Variants in KALRN observed in about 807,000 individuals in gnomAD.
KALRN encodes kalirin.
KALRN carries 70 observed loss-of-function variants against 353.7 expected under a neutral mutation model. The ratio of observed to expected loss-of-function variants is 0.20; its 90% CI spans 0.16 to 0.24. The LOEUF (loss-of-function observed/expected upper bound fraction) is 0.24, where lower values mean the gene tolerates loss of function less well. Among genes scored for constraint, KALRN ranks in the 10% least tolerant of loss-of-function variants. The pLI is 1.00. For synonymous variants in KALRN, 1,391 were observed against 1,434.8 expected (o/e 0.97, Z 0.69); for missense variants, 2,791 against 3,756.7 (o/e 0.74, Z 6.72).
At chr3:124,399,115 G>A (rs759773135) in intron 13 of KALRN, among the ~76,000 whole-genome samples, 2 of 151,044 alleles carry the variant, frequency 1.3e-5, no homozygotes, top group African/African-American at 2.4e-5. Context: ...AGTTTTTTTT[G>A]TTTGTTTTTG....
intron 1 of KALRN, among the ~76,000 whole-genome samples, chr3:124,191,845 G>A (rs1033156282): frequency 2.0e-5 from 3 of 152,172 alleles, no homozygotes; most frequent in African/African-American, 7.2e-5. Context: ...CCATTCCATT[G>A]GTCAATGAAG....
At chr3:124,308,400 T>C (rs2077915461) in intron 6 of KALRN, among the ~76,000 whole-genome samples, 1 of 151,914 alleles carries the variant, frequency 6.6e-6, no homozygotes, top group South Asian at 2.1e-4. Context: ...ACATTGTCCA[T>C]AATAGACCAT....
chr3:124,044,805 T>A, intron 1 of KALRN, among the ~76,000 whole-genome samples: 1 of 151,458 alleles, frequency 6.6e-6, no homozygotes, highest in Non-Finnish European at 1.5e-5. Flanking sequence ...TTCAAAATCA[T>A]GAACACTGAT....
At chr3:124,584,698 G>C (rs998775394) in intron 34 of KALRN, 2 of 1,456,012 alleles carry the variant, frequency 1.4e-6, no homozygotes, top group African/African-American at 2.9e-5. Flanking sequence ...GCGGTGCGGG[G>C]AGAGCACAGC....
At chr3:124,481,415 C>G (rs2061972703) in intron 27 of KALRN, among the ~76,000 whole-genome samples, 1 of 152,134 alleles carries the variant, frequency 6.6e-6, no homozygotes, top group Admixed American at 6.5e-5. Context: ...CCATGTTGCC[C>G]CGGCTGGTCT....
At chr3:124,035,343 T>C (rs1024964605) in intron 1 of KALRN, among the ~76,000 whole-genome samples, 2 of 152,202 alleles carry the variant, frequency 1.3e-5, no homozygotes, top group African/African-American at 4.8e-5. Context: ...ATACTCATTA[T>C]GAGGCAGAGG....
At chr3:124,206,119 C>T (rs2076389707) in intron 1 of KALRN, among the ~76,000 whole-genome samples, 1 of 152,186 alleles carries the variant, frequency 6.6e-6, no homozygotes, top group Non-Finnish European at 1.5e-5. Context: ...AGGTTGATGG[C>T]TGTAATAACC....
intron 1 of KALRN, among the ~76,000 whole-genome samples, chr3:124,055,529 C>T (rs2149177780): frequency 6.6e-6 from 1 of 152,330 alleles, no homozygotes; most frequent in South Asian, 2.1e-4. Context: ...GACATATTTT[C>T]AGACCACCTT....
intron 5 of KALRN, among the ~76,000 whole-genome samples, chr3:124,275,418 C>A (rs769386933): frequency 2.8e-4 from 43 of 152,164 alleles, no homozygotes; most frequent in Non-Finnish European, 1.2e-4. Context: ...GGGTTCTTCT[C>A]TTTTCAGGAT....
chr3:124,139,294 A>G (rs1343853772), intron 1 of KALRN, among the ~76,000 whole-genome samples: 5 of 152,170 alleles, frequency 3.3e-5, no homozygotes, highest in Admixed American at 6.5e-5. Context: ...GTGGGTGCTC[A>G]TGTGTCAAAG....
At chr3:124,231,792 C>T (rs906483785) in intron 2 of KALRN, among the ~76,000 whole-genome samples, 1 of 152,040 alleles carries the variant, frequency 6.6e-6, no homozygotes, top group Non-Finnish European at 1.5e-5. Context: ...GATGCATATC[C>T]ATTAACATCT....
At position 124,044,966 on chromosome 3, in the gene KALRN, TTA is replaced by T. The variant is rs2040343211; in HGVS notation, c.73+11155_73+11156del. On this transcript the variant is annotated intron_variant, in intron 1 of 59. Coordinates refer to ENST00000682506, the MANE Select transcript of KALRN (RefSeq NM_001388419.1). ...ATTTGGTAACAGTGTGGAGATAGGGTTATGATTTTTAAACTTGCAGTTACAAT... is the reference window on the plus strand; with the variant it reads ...ATTTGGTAACAGTGTGGAGATAGGGTTGATTTTTAAACTTGCAGTTACAAT... 8.1e-5 allele frequency among the ~76,000 whole-genome samples: 12 copies of T among 148,310 alleles called. No individual in the cohort carries two copies. The South Asian group carries it at 2.5e-3, about 31-fold the overall frequency.
intron 34 of KALRN, among the ~76,000 whole-genome samples, chr3:124,608,049 C>T (rs940601066): frequency 6.0e-5 from 9 of 150,764 alleles, no homozygotes; most frequent in Admixed American, 6.6e-5. Flanking sequence ...CATTCTGTCA[C>T]CCAGGCTGGA....
chr3:124,178,958 T>C (rs1560158907), intron 1 of KALRN, among the ~76,000 whole-genome samples: 1 of 152,040 alleles, frequency 6.6e-6, no homozygotes, highest in Non-Finnish European at 1.5e-5. Flanking sequence ...TTTTAAAAAA[T>C]TAGCTGGGTA....
chr3:124,640,904 T>C (rs978465922), intron 37 of KALRN, among the ~76,000 whole-genome samples: 3 of 152,172 alleles, frequency 2.0e-5, no homozygotes, highest in African/African-American at 7.2e-5. Context: ...CTTTACAGAG[T>C]TCAATTCCAT....
At chr3:124,460,356 A>G (rs2059726593) in intron 23 of KALRN, among the ~76,000 whole-genome samples, 1 of 152,242 alleles carries the variant, frequency 6.6e-6, no homozygotes, top group Admixed American at 6.5e-5. Flanking sequence ...AAGAGATTAA[A>G]GGATGGGTGG....
intron 34 of KALRN, among the ~76,000 whole-genome samples, chr3:124,617,119 A>T (rs527262224): frequency 6.6e-6 from 1 of 152,006 alleles, no homozygotes; most frequent in South Asian, 2.1e-4. Flanking sequence ...ATCACTTGAG[A>T]TCAGGAGTTT....
At chr3:124,215,380 C>T (rs902706146) in intron 1 of KALRN, among the ~76,000 whole-genome samples, 1 of 152,140 alleles carries the variant, frequency 6.6e-6, no homozygotes, top group Admixed American at 6.5e-5. Flanking sequence ...GCTGGGGAGG[C>T]ATTTTTTTAG....
At chr3:124,661,035 A>G in intron 44 of KALRN, 62 bp downstream of exon 44, 1 of 1,290,520 alleles carries the variant, frequency 7.7e-7, no homozygotes, top group Non-Finnish European at 1.1e-6. Flanking sequence ...CTTTCTCTAG[A>G]GGGGAAAAGA....
Sources: allele counts gnomAD v4.1 joint callset (sites outside exome capture counted in the v4.1 genomes callset), GRCh38; gene constraint gnomAD v4.1.1; transcripts MANE v1.5; gene names NCBI Gene and HGNC (gene_info 2026-07-23, HGNC 2026-07-21).